Variants in KCNIP4 observed in about 807,000 individuals in gnomAD.
KCNIP4 encodes the protein Kv channel-interacting protein 4.
Under a neutral mutation model 34.0 loss-of-function variants are expected in KCNIP4, and 12 were observed. The observed-to-expected ratio is 0.35, with a 90% CI of 0.23 to 0.57. KCNIP4 has a LOEUF of 0.57. Ranked by LOEUF, KCNIP4 falls within the 20% of genes least tolerant of loss-of-function variation. The pLI is 0.83. For synonymous variants in KCNIP4, 124 were observed against 102.2 expected, an observed-to-expected ratio of 1.21 and a Z score of -1.29; for missense variants, 238 against 311.7, an observed-to-expected ratio of 0.76 and a Z score of 1.78.
intron 1 of KCNIP4, among the ~76,000 whole-genome samples, chr4:21,147,956 A>AAAAAAAAAAAAAAAG (rs1553945843): frequency 3.1e-5 from 4 of 128,426 alleles, no homozygotes; most frequent in African/African-American, 6.2e-5. Context: ...AAAAAAAAAA[A>AAAAAAAAAAAAAAAG]AAAAGAAAAA....
chr4:21,682,807 A>G (rs1157541266), intron 1 of KCNIP4, among the ~76,000 whole-genome samples: 1 of 152,246 alleles, frequency 6.6e-6, no homozygotes, highest in Non-Finnish European at 1.5e-5. Context: ...TGTAGCAGTC[A>G]GAACACACAC....
At chr4:21,077,533 G>A (rs975392301) in intron 1 of KCNIP4, among the ~76,000 whole-genome samples, 5 of 145,234 alleles carry the variant, frequency 3.4e-5, no homozygotes, top group Admixed American at 1.3e-4. Context: ...CAATATTCAC[G>A]TTTCATAATC....
rs990138453 is a variant in KCNIP4 at position 20,793,612 on chromosome 4, C to T, written c.289-34722G>A. The stretch of plus-strand genomic sequence containing the variant: ...AGTTTTGTGGAAGACACTTTTTCCA[C>T]GGATGGGGTGGGATGCTTTTGGGAT... On this transcript the variant is annotated intron_variant, in intron 3 of 8. Transcript: ENST00000382152. Among the ~76,000 whole-genome samples the T allele has an allele frequency of 3.9e-5, 6 of 152,022 alleles. No individual in the cohort carries two copies. In the East Asian group the frequency reaches 5.8e-4, roughly 15 times the overall value.
chr4:21,848,516 T>C (rs747208070), intron 1 of KCNIP4: 2 of 152,164 alleles, frequency 1.3e-5, no homozygotes, highest in Non-Finnish European at 2.9e-5. Flanking sequence ...TCCATCATCA[T>C]TCTCATTAGC....
chr4:21,358,518 C>G (rs1718895076), intron 1 of KCNIP4, among the ~76,000 whole-genome samples: 1 of 152,086 alleles, frequency 6.6e-6, no homozygotes, highest in South Asian at 2.1e-4. Flanking sequence ...CAGTGATATG[C>G]AAACTGCAAA....
At chr4:21,516,823 A>G (rs536704428) in intron 1 of KCNIP4, among the ~76,000 whole-genome samples, 2 of 152,278 alleles carry the variant, frequency 1.3e-5, no homozygotes, top group African/African-American at 4.8e-5. Flanking sequence ...TGTGCCTAGG[A>G]AAAGGAAGTT....
chr4:21,646,481 G>A (rs745662596), intron 1 of KCNIP4, among the ~76,000 whole-genome samples: 9 of 152,140 alleles, frequency 5.9e-5, no homozygotes, highest in Non-Finnish European at 8.8e-5. Flanking sequence ...TAAAGATACC[G>A]AATTGCTATA....
At chr4:20,870,887 G>A (rs774752517) in intron 2 of KCNIP4, among the ~76,000 whole-genome samples, 1 of 151,994 alleles carries the variant, frequency 6.6e-6, no homozygotes, top group Admixed American at 6.6e-5. Context: ...AACCTTCTCT[G>A]TCTCTATTCT....
At chr4:21,318,779 G>C (rs1714061426) in intron 1 of KCNIP4, among the ~76,000 whole-genome samples, 1 of 152,040 alleles carries the variant, frequency 6.6e-6, no homozygotes. Context: ...CTCTTCATGA[G>C]TGTAATCCTG....
In KCNIP4 at chr4:21,720,019, G is replaced by A. The variant is rs76491820; in HGVS notation, c.61+228552C>T. 1.8e-3 allele frequency among the ~76,000 whole-genome samples: 186 copies of A among 105,290 alleles called. 1 individual carries two copies. The highest frequency in any genetic ancestry group is 0.015 in the African/African-American group (168 of 10,840). 69.1% of individuals were successfully genotyped at this position (105,290 alleles called of 152,430 possible). A position where few individuals can be genotyped will look rare whatever the true frequency, so the allele number is the denominator to read the frequency against. ...AGAAAAGAAAAAGAAGAAGAAGAAG[G>A]AGAAGGAGAAGGAGAAGGAGAAGGA... On this transcript the variant is annotated intron_variant, in intron 1 of 8. Coordinates refer to ENST00000382152, the MANE Select transcript of KCNIP4 (RefSeq NM_025221.6).
chr4:21,093,411 C>A (rs988792824), intron 1 of KCNIP4, among the ~76,000 whole-genome samples: 1 of 152,124 alleles, frequency 6.6e-6, no homozygotes, highest in African/African-American at 2.4e-5. Context: ...ATGCAAGATA[C>A]CTTATAAAAT....
chr4:21,236,014 G>T (rs955964528), intron 1 of KCNIP4, among the ~76,000 whole-genome samples: 1 of 152,136 alleles, frequency 6.6e-6, no homozygotes, highest in Non-Finnish European at 1.5e-5. Flanking sequence ...AAATGGCCTT[G>T]CTGGGCACGG....
chr4:21,572,034 C>G (rs146327017), intron 1 of KCNIP4, among the ~76,000 whole-genome samples: 1 of 152,124 alleles, frequency 6.6e-6, no homozygotes, highest in Admixed American at 6.6e-5. Context: ...AAATAAGATG[C>G]AAAAATAGAA....
At position 21,746,074 on chromosome 4, in the gene KCNIP4, C is replaced by T. The variant is rs138005401; in HGVS notation, c.61+202497G>A. 8.7e-3 allele frequency among the ~76,000 whole-genome samples: 1,331 copies of T among 152,242 alleles called. 19 individuals carry two copies. The highest frequency in any genetic ancestry group is 0.039 in the South Asian group (187 of 4,818). On this transcript the variant is annotated intron_variant, in intron 1 of 8. Transcript: ENST00000382152. ...TGGTTTGCAAATGGCCACATTCTTG[C>T]TCTGTCCCCACATAGCTGTCCTCAG...
At chr4:21,802,178 A>C (rs2109254633) in intron 1 of KCNIP4, among the ~76,000 whole-genome samples, 1 of 147,180 alleles carries the variant, frequency 6.8e-6, no homozygotes, top group East Asian at 2.0e-4. Context: ...CTATGCCAGG[A>C]ATGTTAAAAT....
At chr4:21,781,712 T>G (rs1719584888) in intron 1 of KCNIP4, among the ~76,000 whole-genome samples, 1 of 152,152 alleles carries the variant, frequency 6.6e-6, no homozygotes, top group South Asian at 2.1e-4. Flanking sequence ...TTTTTAATTT[T>G]TGTTTTGTAT....
chr4:21,618,560 GTCTC>G lies in KCNIP4; in HGVS notation c.61+330007_61+330010del, dbSNP rs34578063. Among the ~76,000 whole-genome samples the G allele has an allele frequency of 3.3e-4, 46 of 141,224 alleles. No homozygotes were observed. In the East Asian group the frequency reaches 5.1e-3, roughly 16 times the overall value. 92.6% of individuals were successfully genotyped at this position (141,224 alleles called of 152,430 possible). ...CTCTTTCTCCTTCTCTCTTTTTCTG[GTCTC>G]TCTCTCTCTCTCTCTCACTCTCTGT... On this transcript the variant is annotated intron_variant, in intron 1 of 8. Coordinates refer to ENST00000382152, the MANE Select transcript of KCNIP4 (RefSeq NM_025221.6).
At chr4:20,897,873 G>T (rs1210979498) in intron 1 of KCNIP4, among the ~76,000 whole-genome samples, 1 of 152,088 alleles carries the variant, frequency 6.6e-6, no homozygotes, top group Non-Finnish European at 1.5e-5. Context: ...TTTTCTTACG[G>T]CAGCCTATGA....
chr4:21,820,148 G>C (rs1455117783), intron 1 of KCNIP4, among the ~76,000 whole-genome samples: 1 of 151,180 alleles, frequency 6.6e-6, no homozygotes, highest in Non-Finnish European at 1.5e-5. Context: ...AAAATTAGAT[G>C]TCTCCTTGAA....
Sources: allele counts gnomAD v4.1 joint callset (sites outside exome capture counted in the v4.1 genomes callset), GRCh38; gene constraint gnomAD v4.1.1; transcripts MANE v1.5; gene names NCBI Gene and HGNC (gene_info 2026-07-23, HGNC 2026-07-21).